Variants in ADAMTS9 observed in about 807,000 individuals in gnomAD.
The protein encoded by ADAMTS9 is A disintegrin and metalloproteinase with thrombospondin motifs 9.
In ADAMTS9, 107 loss-of-function variants were observed where a neutral mutation model predicts 257.1. That is an observed-to-expected ratio of 0.42 (90% CI 0.36 to 0.49). The LOEUF (loss-of-function observed/expected upper bound fraction) is 0.49, where lower values mean the gene tolerates loss of function less well. Among genes scored for constraint, ADAMTS9 ranks in the 20% least tolerant of loss-of-function variants. ADAMTS9 has a pLI of 0.03. For synonymous variants in ADAMTS9, 982 were observed against 880.9 expected (o/e 1.11, Z -2.03); for missense variants, 2,353 against 2,469.1 (o/e 0.95, Z 1.00).
chr3:64,658,623 C>T lies in ADAMTS9; in HGVS notation c.848G>A (p.Arg283Lys). 1 of 1,614,074 alleles carries T rather than the reference C, an allele frequency of 6.2e-7. No homozygotes were observed. Among genetic ancestry groups the T allele is most frequent in the Non-Finnish European group, 8.5e-7 (1 of 1,180,000 alleles). The change falls in exon 4 of 40, where the codon AGA becomes AAA. Residue 283 changes from arginine to lysine, a missense_variant. By Grantham distance (26) the Arg-to-Lys change is conservative. Transcript: ENST00000498707. The part of the protein sequence containing the change: ...TDNTREKRTH[R>K]RTKRFLSYPR... ...ATAGGATAAAAAACGTTTTGTCCTT[C>T]TGTGGGTCCTCTTTTCTCTTGTGTT...
At chr3:64,554,071 T>C (rs1284810793) in intron 30 of ADAMTS9, among the ~76,000 whole-genome samples, 1 of 152,212 alleles carries the variant, frequency 6.6e-6, no homozygotes, top group African/African-American at 2.4e-5. Context: ...ATCCTAATTA[T>C]TGCGCAGCTA....
intron 38 of ADAMTS9, among the ~76,000 whole-genome samples, chr3:64,530,217 C>T (rs1363282876): frequency 6.6e-6 from 1 of 151,982 alleles, no homozygotes. Flanking sequence ...TAAAGTCACA[C>T]AGGTTTATTT....
In ADAMTS9 at chr3:64,649,651, C is replaced by G; in HGVS notation, c.1591G>C (p.Val531Leu). 1 of 1,613,342 alleles carries G rather than the reference C, an allele frequency of 6.2e-7. No homozygotes were observed. The highest frequency in any genetic ancestry group is 8.5e-7 in the Non-Finnish European group (1 of 1,179,648). The change falls in exon 10 of 40, where the codon GTG becomes CTG. Residue 531 changes from valine (V) to leucine (L), a missense_variant. Val to Leu is a conservative substitution (Grantham distance 32). Coordinates refer to ENST00000498707, the MANE Select transcript of ADAMTS9 (RefSeq NM_182920.2). ...CCTACACTTACCATATATGGGCACA[C>G]CTGAGAACCTGGTCCAAAAATCAAT... ...CELIFGPGSQ[V>L]CPYMMQCRRL... is the part of the protein sequence containing the mutation.
intron 38 of ADAMTS9, among the ~76,000 whole-genome samples, chr3:64,527,965 A>G (rs1352533127): frequency 6.6e-6 from 1 of 152,214 alleles, no homozygotes; most frequent in Non-Finnish European, 1.5e-5. Flanking sequence ...GAATTGAAGG[A>G]TAGGAACTGA....
At position 64,604,343 on chromosome 3, in the gene ADAMTS9, G is replaced by A. The variant is rs1171380401; in HGVS notation, c.3475-12C>T. 1.9e-6 allele frequency: 3 copies of A among 1,544,728 alleles called. No individual in the cohort carries two copies. The highest frequency in any genetic ancestry group is 4.5e-5 in the East Asian group (2 of 44,130). On this transcript the variant is annotated splice_polypyrimidine_tract_variant and intron_variant, in intron 23 of 39. Coordinates refer to ENST00000498707, the MANE Select transcript of ADAMTS9 (RefSeq NM_182920.2). ...GGTAATTCACAGTCCTAGACGTGAT[G>A]GGGGAAAAAAAAACAAAGTCACTTT...
intron 4 of ADAMTS9, among the ~76,000 whole-genome samples, chr3:64,656,947 C>T (rs9855932): frequency 0.074 from 3,571 of 48,126 alleles, 101 homozygotes; most frequent in East Asian, 0.18. Flanking sequence ...TCAGGTAAAT[C>T]AGGGCTCGTC....
intron 19 of ADAMTS9, among the ~76,000 whole-genome samples, chr3:64,617,659 A>C (rs967263377): frequency 1.3e-4 from 20 of 152,164 alleles, no homozygotes; most frequent in African/African-American, 4.8e-4. Flanking sequence ...GTGTGTTTTT[A>C]TTGCAGGGGA....
Position 64,681,233 on chromosome 3 carries a change from G to A in ADAMTS9, c.647C>T (p.Pro216Leu). Residue 216 changes from proline (P) to leucine (L), a missense_variant, in exon 3 of 40, where the codon CCC (proline) becomes CTC (leucine). By Grantham distance (98) the Pro-to-Leu change is moderately conservative. This residue lies in a region of ADAMTS9 where 591 missense variants were observed against 569.6 expected (regional missense o/e 1.04). Transcript: ENST00000498707. ...GTCACATGCATGCCTTCCTGTTGAG[G>A]GCTCTCTCTGGGGGGCGCTGCGCCT... is the stretch of plus-strand genomic sequence containing the variant. Reference protein sequence around the residue: ...IYRRSAPQREPSTGRHACDTS... With the variant: ...IYRRSAPQRELSTGRHACDTS... 1 of 1,613,652 alleles carries A rather than the reference G, an allele frequency of 6.2e-7. No individual in the cohort carries two copies. Among genetic ancestry groups the A allele is most frequent in the Non-Finnish European group, 8.5e-7 (1 of 1,179,858 alleles).
chr3:64,580,253 A>C (rs2083962728), intron 28 of ADAMTS9, among the ~76,000 whole-genome samples: 1 of 152,190 alleles, frequency 6.6e-6, no homozygotes, highest in South Asian at 2.1e-4. Flanking sequence ...TTCTGTTCCA[A>C]AACAATGTGT....
intron 28 of ADAMTS9, among the ~76,000 whole-genome samples, chr3:64,585,662 G>A (rs1037394421): frequency 3.9e-5 from 6 of 152,098 alleles, no homozygotes; most frequent in Admixed American, 2.6e-4. Flanking sequence ...AAAGTCACCT[G>A]ACTGGCTCTA....
At chr3:64,681,067 C>G (rs1701742321) in intron 3 of ADAMTS9, 134 bp downstream of exon 3, 1 of 1,036,076 alleles carries the variant, frequency 9.7e-7, no homozygotes, top group Admixed American at 2.9e-5. Context: ...TGTATCCCTA[C>G]ATCATTTGAG....
intron 10 of ADAMTS9, 75 bp from the exon 11 acceptor site, chr3:64,648,119 TTCAACTAA>T: frequency 8.1e-6 from 11 of 1,352,580 alleles, no homozygotes; most frequent in Non-Finnish European, 1.1e-5. Context: ...AAAGCTTGCT[TTCAACTAA>T]TGTTTCACCA....
chr3:64,567,686 C>T (rs1273606429), intron 29 of ADAMTS9, among the ~76,000 whole-genome samples: 1 of 152,070 alleles, frequency 6.6e-6, no homozygotes, highest in Non-Finnish European at 1.5e-5. Context: ...TAATCAGTGT[C>T]TTGGGTACTC....
intron 3 of ADAMTS9, among the ~76,000 whole-genome samples, chr3:64,678,212 C>T (rs58650552): frequency 0.2 from 30,556 of 152,102 alleles, 3,216 homozygotes; most frequent in Admixed American, 0.26. Flanking sequence ...TCTTAACATC[C>T]TGCAACTTCA....
intron 19 of ADAMTS9, 28 bp downstream of exon 19, chr3:64,621,086 T>C (rs199883636): frequency 1.3e-6 from 2 of 1,590,902 alleles, no homozygotes; most frequent in African/African-American, 2.7e-5. Context: ...AATTCAGTAA[T>C]AAAGGCCTTG....
At chr3:64,564,611 T>TTG (rs200963496) in intron 29 of ADAMTS9, among the ~76,000 whole-genome samples, 2 of 149,116 alleles carry the variant, frequency 1.3e-5, no homozygotes, top group African/African-American at 5.2e-5. Context: ...TAATTCTTTT[T>TTG]TGTGTGTGGG....
chr3:64,674,965 T>C (rs1701591633), intron 3 of ADAMTS9, among the ~76,000 whole-genome samples: 1 of 152,152 alleles, frequency 6.6e-6, no homozygotes, highest in African/African-American at 2.4e-5. Context: ...CTGTGAGTCA[T>C]TAGAGTCTTG....
At chr3:64,564,287 C>T (rs1170746050) in intron 29 of ADAMTS9, among the ~76,000 whole-genome samples, 1 of 152,100 alleles carries the variant, frequency 6.6e-6, no homozygotes, top group Non-Finnish European at 1.5e-5. Context: ...CAGAACTCAC[C>T]AACTTAAAAG....
intron 31 of ADAMTS9, among the ~76,000 whole-genome samples, 159 bp from the exon 32 acceptor site, chr3:64,547,111 C>T (rs755999856): frequency 6.6e-6 from 1 of 152,132 alleles, no homozygotes; most frequent in African/African-American, 2.4e-5. Context: ...AGGCCCTGAG[C>T]GCACAGGAGA....
Sources: allele counts gnomAD v4.1 joint callset (sites outside exome capture counted in the v4.1 genomes callset), GRCh38; gene constraint gnomAD v4.1.1; regional missense constraint gnomAD v4.1.1; transcripts MANE v1.5; gene names NCBI Gene and HGNC (gene_info 2026-07-23, HGNC 2026-07-21).